GABRG3: variants seen among roughly 807,000 people sequenced by gnomAD.
GABRG3 encodes the protein gamma-aminobutyric acid receptor subunit gamma-3.
A neutral mutation model predicts 48.8 loss-of-function variants in GABRG3; 25 were observed. That is an observed-to-expected ratio of 0.51 (90% CI 0.37 to 0.72). The LOEUF (loss-of-function observed/expected upper bound fraction) is 0.72. GABRG3 is among the 30% of genes least tolerant of loss of function. The probability of loss-of-function intolerance (pLI) is 0.00; values close to 1 mark genes in which losing one functional copy is unlikely to be tolerated. For missense variants in GABRG3, 394 were observed against 577.9 expected, an observed-to-expected ratio of 0.68 and a Z score of 3.26; for synonymous variants, 227 against 217.6, an observed-to-expected ratio of 1.04 and a Z score of -0.38.
At chr15:27,477,399 T>G (rs1889972806) in intron 5 of GABRG3, among the ~76,000 whole-genome samples, 1 of 152,040 alleles carries the variant, frequency 6.6e-6, no homozygotes, top group Non-Finnish European at 1.5e-5. Context: ...AAAGGATCAG[T>G]AGTTGCTGCA....
chr15:27,345,010 C>T lies in GABRG3; in HGVS notation c.574+16122C>T, dbSNP rs1027196522. On this transcript the variant is annotated intron_variant, in intron 5 of 9. Coordinates refer to ENST00000615808, the MANE Select transcript of GABRG3 (RefSeq NM_033223.5). Reference sequence around the variant, plus strand: ...TCCACTTCGTCTGAAATTAATATAGCTTTCTAACTTACTTTTGATTAGTGT... The same window carrying T: ...TCCACTTCGTCTGAAATTAATATAGTTTTCTAACTTACTTTTGATTAGTGT... 8.1e-4 allele frequency among the ~76,000 whole-genome samples: 123 copies of T among 152,232 alleles called. 2 individuals are homozygous for T. Among genetic ancestry groups the T allele is most frequent in the Non-Finnish European group, 1.3e-3 (90 of 67,990 alleles).
chr15:27,398,066 A>G (rs573805321), intron 5 of GABRG3, among the ~76,000 whole-genome samples: 3 of 152,100 alleles, frequency 2.0e-5, no homozygotes, highest in Non-Finnish European at 4.4e-5. Flanking sequence ...GGCCTCCCCA[A>G]GTGCTGGGAT....
intron 3 of GABRG3, among the ~76,000 whole-genome samples, chr15:27,163,396 A>G (rs1887262934): frequency 6.6e-6 from 1 of 152,122 alleles, no homozygotes; most frequent in African/African-American, 2.4e-5. Context: ...TTGTATAGAT[A>G]GGGTCTTGCT....
intron 3 of GABRG3, among the ~76,000 whole-genome samples, chr15:27,266,598 G>A (rs1890928717): frequency 6.6e-6 from 1 of 152,142 alleles, no homozygotes; most frequent in Non-Finnish European, 1.5e-5. Flanking sequence ...TTTTGATTAG[G>A]AATGCATCAA....
intron 6 of GABRG3, among the ~76,000 whole-genome samples, chr15:27,493,869 G>A (rs576740381): frequency 2.4e-4 from 36 of 152,242 alleles, no homozygotes; most frequent in Admixed American, 1.5e-3. Context: ...ATGGGGAACC[G>A]TGGGGCACCT....
intron 5 of GABRG3, among the ~76,000 whole-genome samples, chr15:27,414,423 C>T (rs1887884064): frequency 6.6e-6 from 1 of 152,078 alleles, no homozygotes; most frequent in African/African-American, 2.4e-5. Flanking sequence ...GGATTTCTTC[C>T]AAGTCTGGAA....
intron 3 of GABRG3, among the ~76,000 whole-genome samples, chr15:27,118,185 G>A (rs1897674693): frequency 6.6e-6 from 1 of 152,152 alleles, no homozygotes; most frequent in African/African-American, 2.4e-5. Flanking sequence ...GCCATGCTTG[G>A]TGGAATTCTC....
At chr15:27,509,807 T>C (rs896677201) in intron 6 of GABRG3, among the ~76,000 whole-genome samples, 3 of 152,232 alleles carry the variant, frequency 2.0e-5, no homozygotes, top group African/African-American at 7.2e-5. Flanking sequence ...GCCATTAACA[T>C]ATTAAATAAT....
chr15:26,979,293 G>A (rs981150766), intron 2 of GABRG3, among the ~76,000 whole-genome samples: 1 of 152,206 alleles, frequency 6.6e-6, no homozygotes, highest in Middle Eastern at 3.4e-3. Context: ...TGCAAATAAG[G>A]AGAGTGTTCA....
chr15:27,133,152 T>C (rs958181452), intron 3 of GABRG3, among the ~76,000 whole-genome samples: 5 of 152,206 alleles, frequency 3.3e-5, no homozygotes, highest in African/African-American at 1.2e-4. Context: ...TATTCTATTA[T>C]TGAGATTTTT....
At chr15:27,109,530 C>T (rs1047486862) in intron 3 of GABRG3, among the ~76,000 whole-genome samples, 4 of 152,174 alleles carry the variant, frequency 2.6e-5, no homozygotes, top group African/African-American at 9.7e-5. Context: ...GATTGTTTTC[C>T]TGTCGCCATA....
chr15:27,398,847 C>T (rs1268613977), intron 5 of GABRG3, among the ~76,000 whole-genome samples: 1 of 152,128 alleles, frequency 6.6e-6, no homozygotes, highest in African/African-American at 2.4e-5. Flanking sequence ...CCTGCATCGT[C>T]AGAGGTAAAC....
At chr15:27,498,006 A>T (rs1890528549) in intron 6 of GABRG3, among the ~76,000 whole-genome samples, 1 of 152,158 alleles carries the variant, frequency 6.6e-6, no homozygotes, top group Admixed American at 6.5e-5. Flanking sequence ...GTTTCATTTT[A>T]AATTATTTTT....
At chr15:27,174,260 G>C (rs1887668714) in intron 3 of GABRG3, among the ~76,000 whole-genome samples, 1 of 152,180 alleles carries the variant, frequency 6.6e-6, no homozygotes, top group African/African-American at 2.4e-5. Flanking sequence ...TGTCTTTTGA[G>C]ACATGTCCTT....
chr15:27,440,657 G>C (rs1447513727), intron 5 of GABRG3, among the ~76,000 whole-genome samples: 1 of 152,142 alleles, frequency 6.6e-6, no homozygotes, highest in Non-Finnish European at 1.5e-5. Context: ...CCTAATCCTT[G>C]TATCACACCG....
intron 3 of GABRG3, 88 bp from the exon 4 acceptor site, chr15:27,326,721 G>T: frequency 1.9e-6 from 2 of 1,061,580 alleles, no homozygotes; most frequent in South Asian, 1.4e-5. Context: ...TGTCAACATG[G>T]AGAGAACACA....
At chr15:27,306,771 C>CAATATAAACATGGTTATATATAAACATAT in intron 3 of GABRG3, among the ~76,000 whole-genome samples, 1 of 79,142 alleles carries the variant, frequency 1.3e-5, no homozygotes, top group Admixed American at 1.4e-4. Context: ...TATAAACATA[C>CAATATAAACATGGTTATATATAAACATAT]AATATAAACA....
intron 2 of GABRG3, among the ~76,000 whole-genome samples, chr15:27,004,872 G>A (rs559946991): frequency 1.3e-5 from 2 of 152,272 alleles, no homozygotes; most frequent in East Asian, 3.9e-4. Context: ...TGTGTGGACT[G>A]GCATTGTGAG....
rs566429187 is a variant in GABRG3, at chr15:27,165,446, A to G, written c.270+138625A>G. 7.1e-4 allele frequency among the ~76,000 whole-genome samples: 108 copies of G among 152,278 alleles called. 1 individual carries two copies. The highest frequency in any genetic ancestry group is 2.5e-3 in the African/African-American group (102 of 41,548). ...AATGTCCTCATTCTTTCACTGGTCA[A>G]TCCAGGTTCTAGTTCTTGTCATGCT... On this transcript the variant is annotated intron_variant, in intron 3 of 9. Transcript: ENST00000615808.
Sources: gnomAD v4.1 joint callset for allele counts (sites outside exome capture counted in the v4.1 genomes callset) on GRCh38, gnomAD v4.1.1 for gene constraint, MANE v1.5 for transcripts, NCBI Gene and HGNC (gene_info 2026-07-23, HGNC 2026-07-21) for gene names.